The following CAMK1 variants were observed in gnomAD, a reference collection of about 807,000 sequenced individuals.
CAMK1 encodes calcium/calmodulin dependent protein kinase I, also known as calcium/calmodulin-dependent protein kinase type 1.
A neutral mutation model predicts 49.1 loss-of-function variants in CAMK1; 39 were observed. That is an observed-to-expected ratio of 0.79 (90% CI 0.62 to 1.04). The LOEUF (loss-of-function observed/expected upper bound fraction) is 1.04. CAMK1 is among the 50% of genes least tolerant of loss of function. The probability of loss-of-function intolerance (pLI) is 0.00; values close to 1 mark genes in which losing one functional copy is unlikely to be tolerated. For synonymous variants in CAMK1, 192 were observed against 185.2 expected, an observed-to-expected ratio of 1.04 and a Z score of -0.30; for missense variants, 457 against 472.2, an observed-to-expected ratio of 0.97 and a Z score of 0.30.
At chr3:9,758,712 C>T in intron 10 of CAMK1, 1 of 196,374 alleles carries the variant, frequency 5.1e-6, no homozygotes, top group East Asian at 1.4e-4. Flanking sequence ...TCACTGCAAC[C>T]CCCATCTCCG....
Position 9,761,535 on chromosome 3 carries a change from G to C in CAMK1, c.558C>G (p.Ala186=). ...AGGGCTTCTGGGCCAGGACTTCAGG[G>C]GCTGTGGAGGGAAGAGGACGTGGTG... is the stretch of plus-strand genomic sequence containing the variant. The part of the protein sequence containing the change: ...STACGTPGYV[A]PEVLAQKPYS... The change falls in exon 7 of 12, where the codon GCC becomes GCG. Residue 186 remains alanine, a splice_region_variant and synonymous_variant. Transcript: ENST00000256460. 6.2e-7 allele frequency: 1 copy of C among 1,613,520 alleles called. No individual in the cohort carries two copies. Among genetic ancestry groups the C allele is most frequent in the East Asian group, 2.2e-5 (1 of 44,848 alleles).
chr3:9,763,927 A>G (rs2078014123), intron 3 of CAMK1, among the ~76,000 whole-genome samples: 1 of 152,198 alleles, frequency 6.6e-6, no homozygotes, highest in South Asian at 2.1e-4. Flanking sequence ...CGGAGGTTGC[A>G]GTGAGTCGAG....
At chr3:9,764,617 G>GTTTTTTTTT (rs202012854) in intron 3 of CAMK1, among the ~76,000 whole-genome samples, 1 of 93,432 alleles carries the variant, frequency 1.1e-5, no homozygotes, top group Admixed American at 1.2e-4. Flanking sequence ...TGGCGTTTTT[G>GTTTTTTTTT]TTTTTTTTTT....
chr3:9,762,059 C>T lies in CAMK1; in HGVS notation c.430-302G>A, dbSNP rs548070842. On this transcript the variant is annotated intron_variant, in intron 5 of 11. Coordinates refer to ENST00000256460, the MANE Select transcript of CAMK1 (RefSeq NM_003656.5). ...GGATTAGTGCTTGATTTAATGCCATCCTCACTGCTTCCCTGCTAGGCCAGT... is the reference window on the plus strand; with the variant it reads ...GGATTAGTGCTTGATTTAATGCCATTCTCACTGCTTCCCTGCTAGGCCAGT... 17 of 274,214 alleles carry T rather than the reference C, an allele frequency of 6.2e-5. 1 individual carries two copies. In the East Asian group the frequency reaches 1.5e-3, roughly 24 times the overall value. 17.0% of individuals were successfully genotyped at this position (274,214 alleles called of 1,614,324 possible).
intron 1 of CAMK1, among the ~76,000 whole-genome samples, chr3:9,769,535 C>T (rs569189673): frequency 5.3e-5 from 8 of 152,282 alleles, no homozygotes; most frequent in South Asian, 4.1e-4. Flanking sequence ...CAGTACACTC[C>T]GCAAGCCCCC....
intron 5 of CAMK1, among the ~76,000 whole-genome samples, chr3:9,762,612 G>A (rs1235500726): frequency 5.3e-5 from 8 of 151,978 alleles, no homozygotes; most frequent in Admixed American, 2.6e-4. Flanking sequence ...TGATCCACCC[G>A]TCTCTGCCTC....
chr3:9,761,349 A>G, intron 7 of CAMK1, 112 bp downstream of exon 7: 1 of 1,056,706 alleles, frequency 9.5e-7, no homozygotes, highest in Non-Finnish European at 1.4e-6. Context: ...GGTGGAAGGA[A>G]GGGAGGGAGG....
rs141500045 is a variant in CAMK1, at chr3:9,766,582, A to G, written c.84-692T>C. 642 of 936,210 alleles carry G rather than the reference A, an allele frequency of 6.9e-4. 1 individual carries two copies. In the African/African-American group the frequency reaches 0.011, roughly 15 times the overall value. 58.0% of individuals were successfully genotyped at this position (936,210 alleles called of 1,614,324 possible). ...AAATCCTCAGGTGATTTGTATGCTC[A>G]TTGAACTTTAAGAAGCAGTGTTTTA... On this transcript the variant is annotated intron_variant, in intron 2 of 11. Transcript: ENST00000256460.
chr3:9,765,893 A>C lies in CAMK1; in HGVS notation c.84-3T>G, dbSNP rs766849418. 6.2e-7 allele frequency: 1 copy of C among 1,613,456 alleles called. No homozygotes were observed. Among genetic ancestry groups the C allele is most frequent in the East Asian group, 2.2e-5 (1 of 44,834 alleles). ...GGATCACCTCCGAGAAGGCCCCCCT[A>C]TCGGGAGAGGGGATTCACAAGGTGA... On this transcript the variant is annotated splice_polypyrimidine_tract_variant and splice_region_variant and intron_variant, in intron 2 of 11. Coordinates refer to ENST00000256460, the MANE Select transcript of CAMK1 (RefSeq NM_003656.5).
chr3:9,763,487 G>A (rs2077992460), intron 3 of CAMK1, among the ~76,000 whole-genome samples: 1 of 151,902 alleles, frequency 6.6e-6, no homozygotes, highest in Admixed American at 6.6e-5. Flanking sequence ...ACATACCTGG[G>A]TAGGACAAAC....
chr3:9,769,021 G>A (rs558256030), intron 1 of CAMK1, among the ~76,000 whole-genome samples: 7 of 151,922 alleles, frequency 4.6e-5, no homozygotes, highest in African/African-American at 1.7e-4. Flanking sequence ...CCACAGCCCT[G>A]AACTCAAACA....
At position 9,759,552 on chromosome 3, in the gene CAMK1, T is replaced by C. The variant is rs1157416401; in HGVS notation, c.848A>G (p.Asp283Gly). The C allele has an allele frequency of 1.2e-6, 2 of 1,614,042 alleles. No homozygotes were observed. The highest frequency in any genetic ancestry group is 1.3e-5 in the African/African-American group (1 of 74,894). The change falls in exon 10 of 12, where the codon GAT becomes GGT. Residue 283 changes from aspartate (D) to glycine (G), a missense_variant. Physicochemically the swap from Asp to Gly is moderately conservative, Grantham distance 94 (BLOSUM62 -1). Transcript: ENST00000256460. ...ACTCACCGACTGGTGGATATTCTTA[T>C]CTAGAGCTGTATCTCCTGCAATCCT... ...HPWIAGDTAL[D>G]KNIHQSVSEQ...
At chr3:9,764,273 G>C (rs1389448046) in intron 3 of CAMK1, among the ~76,000 whole-genome samples, 1 of 152,218 alleles carries the variant, frequency 6.6e-6, no homozygotes, top group Non-Finnish European at 1.5e-5. Context: ...ATACTCATAA[G>C]TGAAACAATA....
chr3:9,761,073 T>G, intron 7 of CAMK1: 4 of 371,990 alleles, frequency 1.1e-5, no homozygotes, highest in East Asian at 5.4e-5. Context: ...CAGCGAGCCC[T>G]TCCCTGACCT....
chr3:9,758,691 G>A (rs908484158), intron 10 of CAMK1: 21 of 168,604 alleles, frequency 1.2e-4, no homozygotes, highest in East Asian at 7.0e-4. Flanking sequence ...GTGCAGTGGC[G>A]CGATCTCAGC....
rs2077663737 is a variant in CAMK1, at chr3:9,757,935, T to C, written c.913-89A>G. On this transcript the variant is annotated intron_variant, in intron 10 of 11. Coordinates refer to ENST00000256460, the MANE Select transcript of CAMK1 (RefSeq NM_003656.5). This position sits in a 1 kb window ranked among gnomAD's most constrained non-coding sequence, Gnocchi z 4.5. ...CAGGGGCGCAGTGGGATTCTTGCAATTGTTCTGTTATTTTCATTCAGGAGT... is the reference window on the plus strand; with the variant it reads ...CAGGGGCGCAGTGGGATTCTTGCAACTGTTCTGTTATTTTCATTCAGGAGT... The C allele has an allele frequency of 2.6e-6, 4 of 1,514,116 alleles. No homozygotes were observed. The Admixed American group carries it at 8.9e-5, about 34-fold the overall frequency. The allele number at this position is 1,514,116 out of a possible 1,614,324, so 93.8% of individuals were successfully genotyped here.
In CAMK1 at chr3:9,757,626, A is replaced by T; in HGVS notation, c.1031-5T>A. ...AGCAACAGCCAGCTGCCGGCCCTGCATGGGAAGACAGAACAGAGGTGGCCG... is the reference window on the plus strand; with the variant it reads ...AGCAACAGCCAGCTGCCGGCCCTGCTTGGGAAGACAGAACAGAGGTGGCCG... On this transcript the variant is annotated splice_polypyrimidine_tract_variant and splice_region_variant and intron_variant, in intron 11 of 11. Coordinates refer to ENST00000256460, the MANE Select transcript of CAMK1 (RefSeq NM_003656.5). This position sits in a 1 kb window ranked among gnomAD's most constrained non-coding sequence, Gnocchi z 4.5. The T allele has an allele frequency of 6.2e-7, 1 of 1,614,130 alleles. No individual in the cohort carries two copies. Among genetic ancestry groups the T allele is most frequent in the Non-Finnish European group, 8.5e-7 (1 of 1,180,016 alleles).
intron 2 of CAMK1, among the ~76,000 whole-genome samples, chr3:9,767,247 C>T (rs1403884336): frequency 3.3e-5 from 5 of 152,198 alleles, no homozygotes; most frequent in African/African-American, 1.2e-4. Flanking sequence ...GAGCACAGCA[C>T]ACACCCTGTT....
Position 9,757,410 on chromosome 3 carries a change from C to T in CAMK1, c.*129G>A. The stretch of plus-strand genomic sequence containing the variant: ...AATAGAAACATTTGTATGGAAAATG[C>T]AGTGAGGAGTGGTAGGGAAGCAGGT... On this transcript the variant is annotated 3_prime_UTR_variant, in exon 12 of 12. Transcript: ENST00000256460. This position sits in a 1 kb window ranked among gnomAD's most constrained non-coding sequence, Gnocchi z 4.5. 3 of 1,609,452 alleles carry T rather than the reference C, an allele frequency of 1.9e-6. No homozygotes were observed. Among genetic ancestry groups the T allele is most frequent in the South Asian group, 2.2e-5 (2 of 90,648 alleles).
Sources: allele counts gnomAD v4.1 joint callset (sites outside exome capture counted in the v4.1 genomes callset), GRCh38; gene constraint gnomAD v4.1.1; non-coding constraint Gnocchi (gnomAD v3.1); transcripts MANE v1.5; gene names NCBI Gene and HGNC (gene_info 2026-07-23, HGNC 2026-07-21).